The following CLYBL variants were observed in gnomAD, a reference collection of about 807,000 sequenced individuals.
CLYBL encodes the protein citramalyl-CoA lyase, mitochondrial.
In CLYBL, 31 loss-of-function variants were observed where a neutral mutation model predicts 38.9. That is an observed-to-expected ratio of 0.80 (90% CI 0.60 to 1.08). The LOEUF is 1.08. Ranked by LOEUF, CLYBL falls within the 50% of genes least tolerant of loss-of-function variation. The pLI is 0.00. For missense variants in CLYBL, 434 were observed against 411.6 expected, an observed-to-expected ratio of 1.05 and a Z score of -0.47; for synonymous variants, 171 against 158.6, an observed-to-expected ratio of 1.08 and a Z score of -0.59.
At chr13:99,608,914 T>C (rs1594080421) in intron 1 of CLYBL, among the ~76,000 whole-genome samples, 1 of 149,960 alleles carries the variant, frequency 6.7e-6, no homozygotes, top group East Asian at 2.0e-4. Flanking sequence ...TCGGTGGTTT[T>C]ATTATGATGT....
intron 2 of CLYBL, among the ~76,000 whole-genome samples, chr13:99,820,829 A>C (rs889935272): frequency 6.6e-6 from 1 of 152,192 alleles, no homozygotes; most frequent in Non-Finnish European, 1.5e-5. Flanking sequence ...AAATGTGTGC[A>C]TTATCGTGAG....
At chr13:99,699,255 G>A (rs189794056) in intron 1 of CLYBL, among the ~76,000 whole-genome samples, 1 of 152,120 alleles carries the variant, frequency 6.6e-6, no homozygotes, top group African/African-American at 2.4e-5. Context: ...TGTGGTGGTG[G>A]GCACCTGTAA....
intron 2 of CLYBL, among the ~76,000 whole-genome samples, chr13:99,789,948 G>A (rs576350990): frequency 3.0e-4 from 45 of 152,276 alleles, no homozygotes; most frequent in African/African-American, 1.1e-3. Flanking sequence ...TTACCATTAT[G>A]TAATGGCCTT....
intron 2 of CLYBL, among the ~76,000 whole-genome samples, chr13:99,836,616 G>A (rs1264505531): frequency 6.6e-6 from 1 of 152,178 alleles, no homozygotes; most frequent in Non-Finnish European, 1.5e-5. Context: ...ATGGATTACA[G>A]GGATCTGTTA....
intron 2 of CLYBL, among the ~76,000 whole-genome samples, chr13:99,852,112 A>C (rs552493795): frequency 3.9e-5 from 6 of 152,338 alleles, no homozygotes; most frequent in African/African-American, 1.4e-4. Flanking sequence ...GGTTCCATTT[A>C]TACATTCCAG....
chr13:99,864,703 G>C, intron 4 of CLYBL, 115 bp from the exon 5 acceptor site: 1 of 716,696 alleles, frequency 1.4e-6, no homozygotes, highest in Non-Finnish European at 2.5e-6. Flanking sequence ...TTTTAGGACT[G>C]CTTTCAGCCA....
chr13:99,845,675 G>A (rs1407512319), intron 2 of CLYBL, among the ~76,000 whole-genome samples: 2 of 152,140 alleles, frequency 1.3e-5, no homozygotes, highest in Admixed American at 1.3e-4. Context: ...CTTGCTCCAC[G>A]ATACACATCT....
At chr13:99,711,376 T>C (rs866376108) in intron 1 of CLYBL, among the ~76,000 whole-genome samples, 12 of 148,568 alleles carry the variant, frequency 8.1e-5, no homozygotes, top group Non-Finnish European at 1.6e-4. Flanking sequence ...TGCGTCCTCA[T>C]ATGACAGAAG....
chr13:99,677,332 A>AG (rs1040160721), intron 1 of CLYBL, among the ~76,000 whole-genome samples: 1 of 151,982 alleles, frequency 6.6e-6, no homozygotes. Flanking sequence ...ACTTTGAGAG[A>AG]GGAAAAAAAA....
chr13:99,816,472 T>G (rs2050450460), intron 2 of CLYBL, among the ~76,000 whole-genome samples: 1 of 152,240 alleles, frequency 6.6e-6, no homozygotes, highest in African/African-American at 2.4e-5. Flanking sequence ...AATGAGGCAG[T>G]AGCCTCGTAA....
intron 1 of CLYBL, among the ~76,000 whole-genome samples, chr13:99,715,584 T>C (rs1472049292): frequency 9.2e-5 from 14 of 151,822 alleles, no homozygotes. Context: ...TTGTATTTTT[T>C]ATAGAGCTCA....
At chr13:99,777,989 A>T (rs1170165720) in intron 2 of CLYBL, among the ~76,000 whole-genome samples, 3 of 152,034 alleles carry the variant, frequency 2.0e-5, no homozygotes, top group African/African-American at 7.2e-5. Flanking sequence ...GTCCTAACCC[A>T]CGTTTTTCGT....
chr13:99,824,258 C>CA (rs1448068419), intron 2 of CLYBL, among the ~76,000 whole-genome samples: 18 of 32,212 alleles, frequency 5.6e-4, no homozygotes, highest in Middle Eastern at 0.014. Flanking sequence ...TGACTAATAG[C>CA]CCCCCCCACC....
chr13:99,731,097 A>AAG (rs2048582297), intron 1 of CLYBL, among the ~76,000 whole-genome samples: 1 of 150,782 alleles, frequency 6.6e-6, no homozygotes, highest in Non-Finnish European at 1.5e-5. Context: ...AAAAAAAAAA[A>AAG]AAAAAAAAAG....
intron 6 of CLYBL, among the ~76,000 whole-genome samples, chr13:99,868,960 G>C (rs1217623019): frequency 6.6e-6 from 1 of 152,118 alleles, no homozygotes. Flanking sequence ...AAGCGGTACT[G>C]TAAAAAGGAT....
chr13:99,806,216 G>A (rs1361860017), intron 2 of CLYBL, among the ~76,000 whole-genome samples: 1 of 152,116 alleles, frequency 6.6e-6, no homozygotes, highest in Non-Finnish European at 1.5e-5. Context: ...TTTTATAAAA[G>A]GGATGTTTCA....
chr13:99,807,270 C>T (rs1476530216), intron 2 of CLYBL, among the ~76,000 whole-genome samples: 1 of 152,176 alleles, frequency 6.6e-6, no homozygotes, highest in Non-Finnish European at 1.5e-5. Context: ...GTTCTTTATG[C>T]TTTCTCACTG....
intron 9 of CLYBL, among the ~76,000 whole-genome samples, chr13:99,906,426 TTTGAG>T (rs66637076): frequency 0.72 from 109,028 of 150,496 alleles, 39,663 homozygotes; most frequent in Non-Finnish European, 0.76. Context: ...CCAGAGCTTT[TTTGAG>T]TTTTCTTTTT....
At chr13:99,761,857 C>T (rs1274042720) in intron 1 of CLYBL, among the ~76,000 whole-genome samples, 1 of 152,226 alleles carries the variant, frequency 6.6e-6, no homozygotes, top group African/African-American at 2.4e-5. Flanking sequence ...TGGATCAAAG[C>T]TGTTTCAACT....
Sources: allele counts gnomAD v4.1 joint callset (sites outside exome capture counted in the v4.1 genomes callset), GRCh38; gene constraint gnomAD v4.1.1; transcripts MANE v1.5; gene names NCBI Gene and HGNC (gene_info 2026-07-23, HGNC 2026-07-21).